Variants in APC observed in about 807,000 individuals in gnomAD.
The protein encoded by APC is adenomatous polyposis coli protein.
APC carries 72 observed loss-of-function variants against 247.0 expected under a neutral mutation model. That is an observed-to-expected ratio of 0.29 (90% confidence interval 0.24 to 0.35). APC has a LOEUF of 0.35. Among genes scored for constraint, APC ranks in the 10% least tolerant of loss-of-function variants. The pLI is 1.00. For missense variants in APC, 3,400 were observed against 3,360.7 expected (o/e 1.01, Z -0.29); for synonymous variants, 1,254 against 1,162.5 (o/e 1.08, Z -1.60).
At chr5:112,793,858 A>G (rs1759914946) in intron 7 of APC, among the ~76,000 whole-genome samples, 1 of 152,202 alleles carries the variant, frequency 6.6e-6, no homozygotes, top group Non-Finnish European at 1.5e-5. Flanking sequence ...GGAAATTTCA[A>G]ATCACTGGGG....
Position 112,707,759 on chromosome 5 carries a change from C to G in APC, c.42C>G (p.Pro14=), listed in dbSNP as rs948153103. 1 of 1,370,654 alleles carries G rather than the reference C, an allele frequency of 7.3e-7. No individual in the cohort carries two copies. Among genetic ancestry groups the G allele is most frequent in the African/African-American group, 1.4e-5 (1 of 69,854 alleles). 84.9% of individuals were successfully genotyped at this position (1,370,654 alleles called of 1,614,324 possible). The change falls in exon 1 of 14, where the codon CCC becomes CCG. Residue 14 remains proline (P), a synonymous_variant. Coordinates refer to the APC transcript ENST00000507379. ...GCTCGGGTCCGGTCGCCCCTTTGCC[C>G]GCTTCTGTACCACCCTCAGTTCTCG...
chr5:112,749,924 T>A (rs936252857), intron 1 of APC, among the ~76,000 whole-genome samples: 7 of 151,338 alleles, frequency 4.6e-5, no homozygotes, highest in African/African-American at 1.2e-4. Context: ...TTTTTTTTTT[T>A]AAATCCAACT....
At chr5:112,710,022 C>G (rs1359306769) in intron 1 of APC, among the ~76,000 whole-genome samples, 3 of 152,162 alleles carry the variant, frequency 2.0e-5, no homozygotes, top group African/African-American at 7.2e-5. Flanking sequence ...ACCCATTACC[C>G]TAATGCTGAT....
chr5:112,788,551 T>A (rs376193463), intron 6 of APC, among the ~76,000 whole-genome samples: 2 of 152,172 alleles, frequency 1.3e-5, no homozygotes, highest in Non-Finnish European at 1.5e-5. Flanking sequence ...AGTTGATATA[T>A]GTAAAAGCAC....
chr5:112,827,782 A>C, intron 12 of APC, 147 bp from the exon 13 acceptor site: 1 of 682,610 alleles, frequency 1.5e-6, no homozygotes. Flanking sequence ...TTATTTAGGT[A>C]ATCTTATTCT....
rs1310957383 is a variant in APC at position 112,822,007 on chromosome 5, T to C, written c.1408+16T>C. 2 of 1,530,748 alleles carry C rather than the reference T, an allele frequency of 1.3e-6. No homozygotes were observed. Among genetic ancestry groups the C allele is most frequent in the Non-Finnish European group, 1.8e-6 (2 of 1,106,122 alleles). The allele number at this position is 1,530,748 out of a possible 1,614,324, so 94.8% of individuals were successfully genotyped here. A position where few individuals can be genotyped will look rare whatever the true frequency, so the allele number is the denominator to read the frequency against. On this transcript the variant is annotated intron_variant, in intron 11 of 15. Transcript: ENST00000257430. ...AATGAACTAGGTAAGACAAAAATGT[T>C]TTTTAATGACATAGACAATTACTGG...
At chr5:112,715,837 A>G (rs1223977923) in intron 1 of APC, among the ~76,000 whole-genome samples, 1 of 152,168 alleles carries the variant, frequency 6.6e-6, no homozygotes, top group East Asian at 1.9e-4. Context: ...AAGCCTATTC[A>G]AGTATTCTAT....
At chr5:112,718,666 T>G (rs913802087) in intron 1 of APC, among the ~76,000 whole-genome samples, 4 of 152,268 alleles carry the variant, frequency 2.6e-5, no homozygotes, top group African/African-American at 9.6e-5. Flanking sequence ...GGATTTGAGC[T>G]TCTTATTCAT....
rs1060503344 is a variant in APC at position 112,780,790 on chromosome 5, T to A, written c.532T>A (p.Phe178Ile). The A allele has an allele frequency of 1.2e-5, 19 of 1,603,266 alleles. No homozygotes were observed. The highest frequency in any genetic ancestry group is 1.5e-5 in the Non-Finnish European group (18 of 1,171,018). The change falls in exon 6 of 16, where the codon TTT (phenylalanine) becomes ATT (isoleucine). Residue 178 changes from phenylalanine (F) to isoleucine (I), a missense_variant and splice_region_variant. Coordinates refer to ENST00000257430, the MANE Select transcript of APC (RefSeq NM_000038.6). ...RIDSLPLTEN[F>I]SLQTDMTRRQ... is the part of the protein sequence containing the mutation. ...ACTTTTTTATTATTTGTGGTTTTAG[T>A]TTTCCTTACAAACAGATATGACCAG...
At chr5:112,742,768 A>G (rs1031426357) in intron 1 of APC, among the ~76,000 whole-genome samples, 6 of 152,176 alleles carry the variant, frequency 3.9e-5, no homozygotes, top group Non-Finnish European at 8.8e-5. Context: ...GATATGAGTC[A>G]CTAAGTCCAG....
At chr5:112,734,590 G>A (rs77482062), upstream of APC, among the ~76,000 whole-genome samples, 1,482 of 152,102 alleles carry the variant, frequency 9.7e-3, 22 homozygotes, top group African/African-American at 0.034. Flanking sequence ...TAAGGTCTTC[G>A]GTAAAGAGAG....
At chr5:112,811,718 C>T (rs1762000268) in intron 8 of APC, among the ~76,000 whole-genome samples, 1 of 152,176 alleles carries the variant, frequency 6.6e-6, no homozygotes, top group African/African-American at 2.4e-5. Flanking sequence ...CATAATTAAA[C>T]CTCCTGTTTT....
intron 1 of APC, among the ~76,000 whole-genome samples, chr5:112,714,995 A>T (rs966526511): frequency 1.3e-5 from 2 of 152,184 alleles, no homozygotes; most frequent in South Asian, 4.1e-4. Flanking sequence ...CCCCTTGGGG[A>T]TGGGAGATGT....
chr5:112,821,772 T>G, intron 10 of APC, 124 bp from the exon 11 acceptor site: 2 of 718,562 alleles, frequency 2.8e-6, no homozygotes, highest in South Asian at 3.2e-5. Context: ...AAATATTTGT[T>G]GATCCACTAA....
chr5:112,842,768 C>A lies in APC; in HGVS notation c.7174C>A (p.Pro2392Thr), dbSNP rs730881257. Residue 2392 changes from proline to threonine, a missense_variant, in exon 16 of 16, where the codon CCA (proline) becomes ACA (threonine). Transcript: ENST00000257430. ...TGLSKNASSI[P>T]RSESASKGLN... ...TTTATCCAAGAATGCCAGTAGTATT[C>A]CAAGAAGTGAGTCTGCCTCCAAAGG... is the stretch of plus-strand genomic sequence containing the variant. 17 of 1,613,910 alleles carry A rather than the reference C, an allele frequency of 1.1e-5. No individual in the cohort carries two copies. In the Middle Eastern group the frequency reaches 4.9e-4, roughly 47 times the overall value.
intron 1 of APC, among the ~76,000 whole-genome samples, chr5:112,742,252 A>G (rs949900028): frequency 2.0e-5 from 3 of 152,198 alleles, no homozygotes; most frequent in Admixed American, 6.5e-5. Context: ...ATAGTATTCT[A>G]TAGTACCTAT....
intron 4 of APC, among the ~76,000 whole-genome samples, chr5:112,769,493 T>G (rs1756784439): frequency 6.6e-6 from 1 of 150,792 alleles, no homozygotes; most frequent in Non-Finnish European, 1.5e-5. Context: ...TACCAAAATA[T>G]AGATCATTAT....
chr5:112,821,058 G>A (rs1463575435), intron 10 of APC, among the ~76,000 whole-genome samples: 27 of 146,064 alleles, frequency 1.8e-4, no homozygotes, highest in African/African-American at 5.9e-4. Flanking sequence ...TTTGAGAGAC[G>A]GGGTTTTGCC....
chr5:112,765,602 G>T (rs1267444537), intron 2 of APC, among the ~76,000 whole-genome samples: 1 of 152,142 alleles, frequency 6.6e-6, no homozygotes, highest in Non-Finnish European at 1.5e-5. Flanking sequence ...AAAGAACTAT[G>T]CTAGGAGCTA....
Sources: gnomAD v4.1 joint callset for allele counts (sites outside exome capture counted in the v4.1 genomes callset) on GRCh38, gnomAD v4.1.1 for gene constraint, MANE v1.5 for transcripts, NCBI Gene and HGNC (gene_info 2026-07-23, HGNC 2026-07-21) for gene names.